The following WSCD2 variants were observed in gnomAD, a reference collection of about 807,000 sequenced individuals.
WSCD2 encodes sialate:O-sulfotransferase 2.
WSCD2 carries 28 observed loss-of-function variants against 55.7 expected under a neutral mutation model. That is an observed-to-expected ratio of 0.50 (90% CI 0.37 to 0.69). WSCD2 has a LOEUF of 0.69. Among genes scored for constraint, WSCD2 ranks in the 30% least tolerant of loss-of-function variants. The pLI is 0.00. For synonymous variants in WSCD2, 301 were observed against 301.9 expected, an observed-to-expected ratio of 1.00 and a Z score of 0.03; for missense variants, 616 against 762.1, an observed-to-expected ratio of 0.81 and a Z score of 2.26.
At chr12:108,169,777 C>T (rs1373587050) in intron 1 of WSCD2, among the ~76,000 whole-genome samples, 6 of 152,164 alleles carry the variant, frequency 3.9e-5, no homozygotes, top group Non-Finnish European at 8.8e-5. Flanking sequence ...CAGAGAGAGG[C>T]TACCTCCCTG....
intron 3 of WSCD2, among the ~76,000 whole-genome samples, chr12:108,208,314 T>G (rs1593028492): frequency 6.6e-6 from 1 of 152,304 alleles, no homozygotes; most frequent in East Asian, 1.9e-4. Flanking sequence ...TATTAACTGT[T>G]TAACTTCACA....
chr12:108,187,372 AG>A (rs943187181), intron 1 of WSCD2, among the ~76,000 whole-genome samples: 4 of 152,204 alleles, frequency 2.6e-5, no homozygotes, highest in Admixed American at 2.0e-4. Flanking sequence ...TCATGAGAAG[AG>A]GTAAATGTTT....
At chr12:108,144,186 A>G (rs1258599941) in intron 1 of WSCD2, among the ~76,000 whole-genome samples, 1 of 151,958 alleles carries the variant, frequency 6.6e-6, no homozygotes, top group Non-Finnish European at 1.5e-5. Context: ...AGCATGTGGG[A>G]CCCAGAGCCT....
intron 1 of WSCD2, among the ~76,000 whole-genome samples, chr12:108,182,921 A>C (rs894318703): frequency 6.6e-6 from 1 of 151,954 alleles, no homozygotes; most frequent in African/African-American, 2.4e-5. Flanking sequence ...GTGGAACCTC[A>C]CAATAGGATC....
chr12:108,163,918 C>T (rs1319683075), intron 1 of WSCD2, among the ~76,000 whole-genome samples: 1 of 151,772 alleles, frequency 6.6e-6, no homozygotes, highest in East Asian at 1.9e-4. Flanking sequence ...ATATACTAAG[C>T]ATGGATAAAA....
At position 108,226,070 on chromosome 12, in the gene WSCD2, C is replaced by T. The variant is rs533223232; in HGVS notation, c.805-920C>T. The stretch of plus-strand genomic sequence containing the variant: ...TGGTGTGATGGTGATATGGGACCCA[C>T]GCTTTGGGAAAAGCTGTCTGAGTCT... On this transcript the variant is annotated intron_variant, in intron 5 of 8. Coordinates refer to ENST00000547525, the MANE Select transcript of WSCD2 (RefSeq NM_014653.4). Among the ~76,000 whole-genome samples the T allele has an allele frequency of 5.3e-5, 8 of 152,080 alleles. No homozygotes were observed. The South Asian group carries it at 8.3e-4, about 16-fold the overall frequency.
chr12:108,203,110 C>T (rs909194198), intron 2 of WSCD2, among the ~76,000 whole-genome samples: 3 of 152,174 alleles, frequency 2.0e-5, no homozygotes, highest in Admixed American at 1.3e-4. Flanking sequence ...GGGGTGGACT[C>T]GGGCAAGTTG....
At chr12:108,168,918 A>G (rs1313088697) in intron 1 of WSCD2, among the ~76,000 whole-genome samples, 1 of 152,230 alleles carries the variant, frequency 6.6e-6, no homozygotes, top group Non-Finnish European at 1.5e-5. Context: ...GTCCTCAACC[A>G]CTGGGCCACA....
At chr12:108,172,928 G>A (rs868453661) in intron 1 of WSCD2, among the ~76,000 whole-genome samples, 4 of 152,110 alleles carry the variant, frequency 2.6e-5, no homozygotes, top group Admixed American at 2.0e-4. Flanking sequence ...GAAGTGATTA[G>A]GTCATGAATG....
chr12:108,147,599 G>A (rs1337860517), intron 1 of WSCD2, among the ~76,000 whole-genome samples: 2 of 152,168 alleles, frequency 1.3e-5, no homozygotes, highest in African/African-American at 2.4e-5. Context: ...CAGGGACAGC[G>A]GGTATGGTGG....
intron 1 of WSCD2, among the ~76,000 whole-genome samples, chr12:108,184,540 G>T (rs12229128): frequency 6.6e-6 from 1 of 152,306 alleles, no homozygotes; most frequent in East Asian, 1.9e-4. Context: ...AATGGGGGCT[G>T]CCAGGGAGCA....
At position 108,152,102 on chromosome 12, in the gene WSCD2, G is replaced by A. The variant is rs61313901; in HGVS notation, c.-552+22176G>A. On this transcript the variant is annotated intron_variant, in intron 1 of 8. Coordinates refer to ENST00000547525, the MANE Select transcript of WSCD2 (RefSeq NM_014653.4). ...TTTAGCTGCACTCTGATCCCCCCGG[G>A]AAACGCTCAGAGGAAACCCGAGGAA... is the stretch of plus-strand genomic sequence containing the variant. 5.3e-3 allele frequency among the ~76,000 whole-genome samples: 804 copies of A among 152,284 alleles called. 8 individuals are homozygous for A. The highest frequency in any genetic ancestry group is 0.019 in the African/African-American group (775 of 41,550).
chr12:108,240,588 G>C (rs956439874), intron 8 of WSCD2, 44 bp downstream of exon 8: 1 of 1,367,914 alleles, frequency 7.3e-7, no homozygotes, highest in African/African-American at 1.5e-5. Flanking sequence ...GGGGCTTCGG[G>C]CTGCAGGGGG....
At chr12:108,215,569 C>T (rs1396008310) in intron 4 of WSCD2, among the ~76,000 whole-genome samples, 1 of 152,166 alleles carries the variant, frequency 6.6e-6, no homozygotes, top group Non-Finnish European at 1.5e-5. Context: ...AAATAGCTGG[C>T]TTGAATTCTC....
At chr12:108,160,082 G>T (rs1337424932) in intron 1 of WSCD2, among the ~76,000 whole-genome samples, 3 of 152,176 alleles carry the variant, frequency 2.0e-5, no homozygotes, top group African/African-American at 4.8e-5. Flanking sequence ...TGGATGAGGG[G>T]TGTGGCTGCT....
At position 108,214,925 on chromosome 12, in the gene WSCD2, T is replaced by G. The variant is rs79696193; in HGVS notation, c.682+4620T>G. ...GTCTCCCAAAGTTAGGAGAATTTTG[T>G]GCAGTGCTTTGCTTTATGTTCACTG... On this transcript the variant is annotated intron_variant, in intron 4 of 8. Transcript: ENST00000547525. 3.8e-3 allele frequency among the ~76,000 whole-genome samples: 575 copies of G among 152,394 alleles called. 2 individuals are homozygous for G. Among genetic ancestry groups the G allele is most frequent in the African/African-American group, 0.013 (547 of 41,598 alleles).
chr12:108,165,273 C>T (rs1879493047), intron 1 of WSCD2, among the ~76,000 whole-genome samples: 1 of 152,202 alleles, frequency 6.6e-6, no homozygotes, highest in Non-Finnish European at 1.5e-5. Context: ...AGGTCCTGGT[C>T]ATGTCCCAGT....
At chr12:108,216,865 C>A (rs886265366) in intron 4 of WSCD2, among the ~76,000 whole-genome samples, 3 of 152,228 alleles carry the variant, frequency 2.0e-5, no homozygotes, top group Non-Finnish European at 4.4e-5. Context: ...CCAGCCTGTC[C>A]CTCACAGGCC....
intron 7 of WSCD2, among the ~76,000 whole-genome samples, chr12:108,238,147 C>T (rs1889416338): frequency 6.6e-6 from 1 of 152,200 alleles, no homozygotes; most frequent in Non-Finnish European, 1.5e-5. Flanking sequence ...ATGTCTGAAG[C>T]TGTCTCTCTC....
Sources: gnomAD v4.1 joint callset for allele counts (sites outside exome capture counted in the v4.1 genomes callset) on GRCh38, gnomAD v4.1.1 for gene constraint, MANE v1.5 for transcripts, NCBI Gene and HGNC (gene_info 2026-07-23, HGNC 2026-07-21) for gene names.